MAMDC4: variants seen among roughly 807,000 people sequenced by gnomAD.
The protein encoded by MAMDC4 is MAM domain containing 4.
MAMDC4 carries 168 observed loss-of-function variants against 153.3 expected under a neutral mutation model. That is an observed-to-expected ratio of 1.10 (90% CI 0.97 to 1.25). The LOEUF is 1.25. Ranked by LOEUF, MAMDC4 falls within the 50% of genes most tolerant of loss-of-function variation. The pLI, the probability that MAMDC4 is intolerant of heterozygous loss-of-function variation, is 0.00. For synonymous variants in MAMDC4, 744 were observed against 651.5 expected, an observed-to-expected ratio of 1.14 and a Z score of -2.16; for missense variants, 1,701 against 1,542.8, an observed-to-expected ratio of 1.10 and a Z score of -1.72.
intron 10 of MAMDC4, 67 bp downstream of exon 10, chr9:136,855,177 G>T: frequency 6.4e-7 from 1 of 1,574,472 alleles, no homozygotes; most frequent in Non-Finnish European, 8.6e-7. Flanking sequence ...AACCCACAAG[G>T]TACCCACTGC....
intron 1 of MAMDC4, among the ~76,000 whole-genome samples, 156 bp downstream of exon 1, chr9:136,852,618 AC>A (rs1320022995): frequency 6.6e-6 from 1 of 152,184 alleles, no homozygotes; most frequent in Non-Finnish European, 1.5e-5. Context: ...AAGGGGGGTG[AC>A]CTGGAATCAG....
At position 136,853,361 on chromosome 9, in the gene MAMDC4, C is replaced by T. The variant is rs767345735; in HGVS notation, c.231C>T (p.Asp77=). The change falls in exon 3 of 27, where the codon GAC becomes GAT. Residue 77 remains aspartate (D), a synonymous_variant. Transcript: ENST00000317446. ...AGCAGGACCCCTGCGGCTGGCGGGACATTAGTACCTCAGGCTACAGCTGGC... is the reference window on the plus strand; with the variant it reads ...AGCAGGACCCCTGCGGCTGGCGGGATATTAGTACCTCAGGCTACAGCTGGC... ...DFEQDPCGWR[D]ISTSGYSWLR... The T allele has an allele frequency of 6.2e-7, 1 of 1,607,242 alleles. No homozygotes were observed. The highest frequency in any genetic ancestry group is 8.5e-7 in the Non-Finnish European group (1 of 1,175,816).
Position 136,854,655 on chromosome 9 carries a change from C to T in MAMDC4, c.913C>T (p.His305Tyr). Reference protein sequence around the residue: ...PERPSWPRRDHSRNSAQGSFL... With the variant: ...PERPSWPRRDYSRNSAQGSFL... ...GCGCCCCTCCTGGCCACGCCGTGACCACAGCCGGAACAGTGCACAGGGTGA... is the reference window on the plus strand; with the variant it reads ...GCGCCCCTCCTGGCCACGCCGTGACTACAGCCGGAACAGTGCACAGGGTGA... Residue 305 changes from histidine (H) to tyrosine (Y), a missense_variant, in exon 8 of 27, where the codon CAC becomes TAC. His to Tyr is a moderately conservative substitution (Grantham distance 83, BLOSUM62 2). Coordinates refer to ENST00000317446, the MANE Select transcript of MAMDC4 (RefSeq NM_206920.3). 1 of 1,610,554 alleles carries T rather than the reference C, an allele frequency of 6.2e-7. No homozygotes were observed. Among genetic ancestry groups the T allele is most frequent in the Non-Finnish European group, 8.5e-7 (1 of 1,179,102 alleles).
chr9:136,857,140 T>G, intron 16 of MAMDC4, 25 bp from the exon 17 acceptor site: 1 of 1,611,932 alleles, frequency 6.2e-7, no homozygotes, highest in Non-Finnish European at 8.5e-7. Flanking sequence ...GAGAGGTCAG[T>G]TATGGACTGG....
chr9:136,854,120 A>C, intron 6 of MAMDC4, 44 bp downstream of exon 6: 1 of 1,608,450 alleles, frequency 6.2e-7, no homozygotes, highest in Non-Finnish European at 8.5e-7. Flanking sequence ...GAGGGCCCCC[A>C]CCTGCCCACT....
rs1194117856 is a variant in MAMDC4 at position 136,852,579 on chromosome 9, G to A, written c.46+117G>A. ...TGCCTGAGCCCCAAAGGGAAGGAGG[G>A]TTGCAAGGTACTACCTTGGCCGGCC... On this transcript the variant is annotated intron_variant, in intron 1 of 26. Coordinates refer to ENST00000317446, the MANE Select transcript of MAMDC4 (RefSeq NM_206920.3). 1.0e-5 allele frequency: 14 copies of A among 1,340,768 alleles called. No individual in the cohort carries two copies. In the East Asian group the frequency reaches 1.8e-4, roughly 18 times the overall value. 83.1% of individuals were successfully genotyped at this position (1,340,768 alleles called of 1,614,324 possible).
In MAMDC4 at chr9:136,857,591, G is replaced by A. The variant is rs1849025382; in HGVS notation, c.2326+5G>A. 6.2e-7 allele frequency: 1 copy of A among 1,612,564 alleles called. No homozygotes were observed. The highest frequency in any genetic ancestry group is 1.1e-5 in the South Asian group (1 of 91,072). ...ATACCACTGAGACAGCCCAAGGTAT[G>A]GGGGCCTGGCAGGGGCAGGGATTGA... is the stretch of plus-strand genomic sequence containing the variant. On this transcript the variant is annotated splice_donor_5th_base_variant and intron_variant, in intron 18 of 26. Transcript: ENST00000317446.
intron 21 of MAMDC4, 52 bp downstream of exon 21, chr9:136,858,328 T>C: frequency 6.2e-7 from 1 of 1,600,190 alleles, no homozygotes; most frequent in Non-Finnish European, 8.5e-7. Context: ...TGCCTAGCCC[T>C]TTCCCTTCGT....
intron 24 of MAMDC4, 29 bp downstream of exon 24, chr9:136,859,161 C>A (rs776187193): frequency 6.3e-7 from 1 of 1,588,514 alleles, no homozygotes; most frequent in Non-Finnish European, 8.6e-7. Flanking sequence ...AAGGAGCCTC[C>A]TCCTCCTCCA....
chr9:136,860,089 G>A (rs1359820897), intron 26 of MAMDC4, 25 bp downstream of exon 26: 4 of 1,528,082 alleles, frequency 2.6e-6, no homozygotes, highest in Admixed American at 2.0e-5. Context: ...GGATGGGTGG[G>A]CAGGAGCCTC....
At chr9:136,852,864 G>T (rs574492282) in intron 1 of MAMDC4, among the ~76,000 whole-genome samples, 1 of 152,288 alleles carries the variant, frequency 6.6e-6, no homozygotes, top group African/African-American at 2.4e-5. Flanking sequence ...TTCTTGGGGT[G>T]CCCCATGGCC....
chr9:136,860,531 A>G, intron 26 of MAMDC4, 31 bp from the exon 27 acceptor site: 2 of 1,601,546 alleles, frequency 1.2e-6, no homozygotes, highest in Non-Finnish European at 1.7e-6. Context: ...CAGGAAAGAA[A>G]GAAAAAAAAA....
Position 136,853,515 on chromosome 9 carries a change from C to A in MAMDC4, c.329-30C>A, listed in dbSNP as rs753649112. On this transcript the variant is annotated intron_variant, in intron 3 of 26. Transcript: ENST00000317446. ...GTCCCAATACCCTCCTTGCTCCCTG[C>A]CCCGTCTCCTGACCTCTCACCTGCG... 6.8e-6 allele frequency: 11 copies of A among 1,612,384 alleles called. No individual in the cohort carries two copies. In the Admixed American group the frequency reaches 1.7e-4, roughly 24 times the overall value.
chr9:136,853,483 C>T (rs781284607), intron 3 of MAMDC4, 25 bp downstream of exon 3: 29 of 1,608,820 alleles, frequency 1.8e-5, no homozygotes, highest in Middle Eastern at 1.6e-4. Flanking sequence ...AGTCTCTGTG[C>T]GCCCCTGTCC....
intron 25 of MAMDC4, chr9:136,859,574 CCT>C: frequency 1.7e-6 from 1 of 590,588 alleles, no homozygotes; most frequent in Non-Finnish European, 3.0e-6. Flanking sequence ...CTCTGTGCTC[CCT>C]GTGCCCACAC....
Position 136,855,329 on chromosome 9 carries a change from C to A in MAMDC4, c.1273C>A (p.Pro425Thr), listed in dbSNP as rs1848988503. 1.2e-6 allele frequency: 2 copies of A among 1,606,194 alleles called. No individual in the cohort carries two copies. The change falls in exon 11 of 27, where the codon CCA becomes ACA. Residue 425 changes from proline (P) to threonine (T), a missense_variant. By Grantham distance (38) the Pro-to-Thr change is conservative. Transcript: ENST00000317446. ...DDLILSDHCR[P>T]VSEVSTLQPL... ...CCTCATCCTGTCTGACCACTGCAGA[C>A]CAGTCTCGGGTGAGCCTGCTGACTC...
rs757803480 is a variant in MAMDC4 at position 136,855,276 on chromosome 9, G to GC, written c.1223dup (p.Val411ArgfsTer11). ...CAGATCCTCCTGGCCGGGCAGACAG[G>GC]CCCGGGGGGCGTCGTGGGTCTGGAC... On this transcript the variant is annotated frameshift_variant, in exon 11 of 27. Transcript: ENST00000317446. LOFTEE classifies it high-confidence loss of function. The GC allele has an allele frequency of 8.7e-6, 14 of 1,601,960 alleles. No individual in the cohort carries two copies. The highest frequency in any genetic ancestry group is 3.4e-5 in the Admixed American group (2 of 58,994).
At chr9:136,859,614 C>T (rs934872437) in intron 25 of MAMDC4, 10 of 593,196 alleles carry the variant, frequency 1.7e-5, no homozygotes, top group East Asian at 2.9e-5. Context: ...CTGGAGGAAC[C>T]GCCAGCCGGG....
In MAMDC4 at chr9:136,854,846, G is replaced by A. The variant is rs1848979913; in HGVS notation, c.1019G>A (p.Cys340Tyr). 4 of 1,612,652 alleles carry A rather than the reference G, an allele frequency of 2.5e-6. No individual in the cohort carries two copies. Among genetic ancestry groups the A allele is most frequent in the Non-Finnish European group, 1.7e-6 (2 of 1,179,880 alleles). ...PEFQASGTSNCSLVFYQYLSG... is the reference protein window; with the variant it reads ...PEFQASGTSNYSLVFYQYLSG... Reference sequence around the variant, plus strand: ...TTCCAAGCCTCAGGCACCTCCAACTGCTCGGTGAGATGGGTGGGGCTCACA... The same window carrying A: ...TTCCAAGCCTCAGGCACCTCCAACTACTCGGTGAGATGGGTGGGGCTCACA... The change falls in exon 9 of 27, where the codon TGC becomes TAC. Residue 340 changes from cysteine to tyrosine, a missense_variant. Physicochemically the swap from Cys to Tyr is radical, Grantham distance 194. Coordinates refer to ENST00000317446, the MANE Select transcript of MAMDC4 (RefSeq NM_206920.3).
Sources: allele counts gnomAD v4.1 joint callset (sites outside exome capture counted in the v4.1 genomes callset), GRCh38; gene constraint gnomAD v4.1.1; transcripts MANE v1.5; gene names NCBI Gene and HGNC (gene_info 2026-07-23, HGNC 2026-07-21).